Variants in TTC7B observed in about 807,000 individuals in gnomAD.
The protein encoded by TTC7B is tetratricopeptide repeat domain 7B.
TTC7B carries 28 observed loss-of-function variants against 106.8 expected under a neutral mutation model. The observed-to-expected ratio is 0.26, with a 90% confidence interval of 0.19 to 0.36. The LOEUF is 0.36. Among genes scored for constraint, TTC7B ranks in the 10% least tolerant of loss-of-function variants. TTC7B has a pLI of 1.00. For synonymous variants in TTC7B, 405 were observed against 430.6 expected (o/e 0.94, Z 0.74); for missense variants, 862 against 1,076.4 (o/e 0.80, Z 2.79).
intron 17 of TTC7B, among the ~76,000 whole-genome samples, chr14:90,597,092 C>T (rs751345331): frequency 1.3e-5 from 2 of 152,118 alleles, no homozygotes; most frequent in Non-Finnish European, 2.9e-5. Flanking sequence ...AGAAGGATAA[C>T]AGGTTTATTA....
chr14:90,804,731 T>C (rs1301962317), intron 1 of TTC7B, among the ~76,000 whole-genome samples: 1 of 152,170 alleles, frequency 6.6e-6, no homozygotes, highest in Non-Finnish European at 1.5e-5. Flanking sequence ...TGGCACCTGG[T>C]CGACTGGACA....
At chr14:90,698,469 C>G (rs1482270850) in intron 5 of TTC7B, 2 of 152,212 alleles carry the variant, frequency 1.3e-5, no homozygotes, top group East Asian at 3.9e-4. Context: ...CCCAATCTCC[C>G]TGTTTTGAGG....
intron 5 of TTC7B, among the ~76,000 whole-genome samples, chr14:90,722,674 A>G (rs1473591382): frequency 6.6e-6 from 1 of 151,784 alleles, no homozygotes; most frequent in Non-Finnish European, 1.5e-5. Context: ...TGCTCTTACC[A>G]CTCCACCAAG....
chr14:90,787,845 G>A (rs766032192), intron 1 of TTC7B, among the ~76,000 whole-genome samples: 16 of 152,262 alleles, frequency 1.1e-4, no homozygotes, highest in Non-Finnish European at 2.2e-4. Context: ...CTGAACTCAA[G>A]AACTCATTAG....
At chr14:90,630,847 T>C (rs950879573) in intron 15 of TTC7B, among the ~76,000 whole-genome samples, 7 of 151,622 alleles carry the variant, frequency 4.6e-5, no homozygotes, top group African/African-American at 1.7e-4. Flanking sequence ...TGTTTTTTTT[T>C]TTTTTGAGAT....
chr14:90,760,608 T>G (rs1295062668), intron 3 of TTC7B, among the ~76,000 whole-genome samples: 2 of 152,240 alleles, frequency 1.3e-5, no homozygotes, highest in African/African-American at 4.8e-5. Context: ...ATTTCAGGCA[T>G]TGTAAACCCC....
In TTC7B at chr14:90,618,008, G is replaced by C. The variant is rs913424328; in HGVS notation, c.1789C>G (p.Arg597Gly). The C allele has an allele frequency of 1.8e-5, 29 of 1,613,660 alleles. No homozygotes were observed. The highest frequency in any genetic ancestry group is 2.4e-5 in the Non-Finnish European group (28 of 1,179,718). ...FSKVKLQSLCRGPDEALLTCK... is the reference protein window; with the variant it reads ...FSKVKLQSLCGGPDEALLTCK... ...GTCAGCAGTGCCTCGTCCGGGCCTC[G>C]GCAGAGTGACTGCAACTTCACTTTG... is the stretch of plus-strand genomic sequence containing the variant. The change falls in exon 16 of 20, where the codon CGA (arginine) becomes GGA (glycine). Residue 597 changes from arginine to glycine, a missense_variant. By Grantham distance (125) the Arg-to-Gly change is moderately radical (BLOSUM62 -2). Coordinates refer to ENST00000328459, the MANE Select transcript of TTC7B (RefSeq NM_001010854.2).
At position 90,540,662 on chromosome 14, in the gene TTC7B, G is replaced by A. The variant is rs1889543320; in HGVS notation, c.*706C>T. On this transcript the variant is annotated 3_prime_UTR_variant, in exon 20 of 20. Transcript: ENST00000328459. ...GTGTCTGTCATGTATAAGGAATGTC[G>A]GTAAATATTCCATTTGAAGCTTCTT... 6.5e-6 allele frequency: 1 copy of A among 153,538 alleles called. No individual in the cohort carries two copies. Among genetic ancestry groups the A allele is most frequent in the Non-Finnish European group, 1.5e-5 (1 of 68,032 alleles). The allele number at this position is 153,538 out of a possible 1,614,324, so 9.5% of individuals were successfully genotyped here.
intron 1 of TTC7B, among the ~76,000 whole-genome samples, chr14:90,799,954 C>G (rs1017187693): frequency 1.3e-5 from 2 of 152,060 alleles, no homozygotes; most frequent in Non-Finnish European, 2.9e-5. Context: ...CTCAGCCTCC[C>G]GAGTAGCTGG....
At chr14:90,695,974 G>T (rs1236011872) in intron 5 of TTC7B, among the ~76,000 whole-genome samples, 2 of 152,206 alleles carry the variant, frequency 1.3e-5, no homozygotes, top group South Asian at 2.1e-4. Flanking sequence ...AGCACCGTGT[G>T]CAACATGGGT....
intron 17 of TTC7B, among the ~76,000 whole-genome samples, chr14:90,601,832 G>A (rs754118911): frequency 6.6e-5 from 10 of 152,168 alleles, no homozygotes; most frequent in Admixed American, 1.3e-4. Context: ...TCATAAGGGC[G>A]GTGTACATAG....
chr14:90,704,444 G>A (rs1188432429), intron 5 of TTC7B, among the ~76,000 whole-genome samples: 1 of 152,240 alleles, frequency 6.6e-6, no homozygotes, highest in African/African-American at 2.4e-5. Context: ...GAAGAGCTGG[G>A]ATTTGAACTC....
chr14:90,719,648 G>A (rs1345605221), intron 5 of TTC7B, among the ~76,000 whole-genome samples: 3 of 152,222 alleles, frequency 2.0e-5, no homozygotes, highest in African/African-American at 7.2e-5. Context: ...CTGGGTGGCT[G>A]TAGGGACTGC....
At chr14:90,573,436 G>A (rs548081680) in intron 19 of TTC7B, among the ~76,000 whole-genome samples, 1 of 130,748 alleles carries the variant, frequency 7.6e-6, no homozygotes, top group African/African-American at 3.1e-5. Context: ...TCCGGCTCAC[G>A]GTCCCTCTCA....
chr14:90,627,558 A>G (rs1262554281), intron 15 of TTC7B, among the ~76,000 whole-genome samples: 2 of 152,154 alleles, frequency 1.3e-5, no homozygotes, highest in East Asian at 3.9e-4. Flanking sequence ...CTTAGCTGGG[A>G]GGCTGTGGTG....
chr14:90,598,566 G>A (rs1892307112), intron 17 of TTC7B, among the ~76,000 whole-genome samples: 1 of 152,174 alleles, frequency 6.6e-6, no homozygotes, highest in South Asian at 2.1e-4. Flanking sequence ...CAAGGCCACT[G>A]ATCTCAGGGC....
At chr14:90,684,672 C>T (rs1044210148) in intron 7 of TTC7B, among the ~76,000 whole-genome samples, 1 of 152,076 alleles carries the variant, frequency 6.6e-6, no homozygotes, top group African/African-American at 2.4e-5. Flanking sequence ...CAAAAAGGGG[C>T]CAGACTAATT....
chr14:90,657,503 C>T lies in TTC7B; in HGVS notation c.1237-225G>A. On this transcript the variant is annotated intron_variant, in intron 10 of 19. Coordinates refer to ENST00000328459, the MANE Select transcript of TTC7B (RefSeq NM_001010854.2). This position sits in a 1 kb window ranked among gnomAD's most constrained non-coding sequence, Gnocchi z 4.2. ...GCCAGCAGGAATGCTTCTCTGGCGC[C>T]ACCTGAATTTCATTCCATACTTGTG... The T allele has an allele frequency of 2.3e-6, 1 of 439,352 alleles. No homozygotes were observed. Among genetic ancestry groups the T allele is most frequent in the Non-Finnish European group, 4.1e-6 (1 of 246,046 alleles). The allele number at this position is 439,352 out of a possible 1,614,324, so 27.2% of individuals were successfully genotyped here. A position where few individuals can be genotyped will look rare whatever the true frequency, so the allele number is the denominator to read the frequency against.
At chr14:90,599,879 A>G (rs77474742) in intron 17 of TTC7B, among the ~76,000 whole-genome samples, 6 of 152,290 alleles carry the variant, frequency 3.9e-5, no homozygotes, top group African/African-American at 1.4e-4. Flanking sequence ...CAGCAATCTG[A>G]GTGACTCAGC....
Sources: gnomAD v4.1 joint callset for allele counts (sites outside exome capture counted in the v4.1 genomes callset) on GRCh38, gnomAD v4.1.1 for gene constraint, Gnocchi (gnomAD v3.1) non-coding constraint, MANE v1.5 for transcripts, NCBI Gene and HGNC (gene_info 2026-07-23, HGNC 2026-07-21) for gene names.